Variants in TENM3 observed in about 807,000 individuals in gnomAD.
TENM3 encodes teneurin transmembrane protein 3, also known as teneurin-3.
TENM3 carries 63 observed loss-of-function variants against 255.1 expected under a neutral mutation model. The observed-to-expected ratio is 0.25, with a 90% confidence interval of 0.20 to 0.30. TENM3 has a LOEUF of 0.30. TENM3 is among the 10% of genes least tolerant of loss of function. The pLI is 1.00. For synonymous variants in TENM3, 1,306 were observed against 1,322.3 expected, an observed-to-expected ratio of 0.99 and a Z score of 0.27; for missense variants, 2,929 against 3,461.1, an observed-to-expected ratio of 0.85 and a Z score of 3.86.
intron 26 of TENM3, among the ~76,000 whole-genome samples, 175 bp downstream of exon 26, chr4:182,794,060 A>G (rs574834410): frequency 6.6e-6 from 1 of 152,378 alleles, no homozygotes; most frequent in South Asian, 2.1e-4. Flanking sequence ...CACAAAGGGA[A>G]AATGAGACAT....
intron 3 of TENM3, among the ~76,000 whole-genome samples, chr4:182,525,919 T>C (rs1256651625): frequency 6.6e-6 from 1 of 152,248 alleles, no homozygotes; most frequent in Non-Finnish European, 1.5e-5. Flanking sequence ...GATTATTTTC[T>C]GCAGTTTCCA....
intron 1 of TENM3, among the ~76,000 whole-genome samples, chr4:182,151,964 C>G (rs1433468120): frequency 6.6e-6 from 1 of 151,832 alleles, no homozygotes; most frequent in Non-Finnish European, 1.5e-5. Context: ...AAATAAGGCA[C>G]TCTTAAAAGG....
At chr4:181,881,922 G>T in the TENM3 span, among the ~76,000 whole-genome samples, 1 of 152,204 alleles carries the variant, frequency 6.6e-6, no homozygotes, top group South Asian at 2.1e-4. Flanking sequence ...TTCTCAATTA[G>T]AATTATTTTC....
the TENM3 span, among the ~76,000 whole-genome samples, chr4:181,747,847 C>T: frequency 1.6e-4 from 24 of 151,838 alleles, no homozygotes; most frequent in Admixed American, 1.4e-3. Context: ...GGTAAGAATC[C>T]GGTTTTCTTT....
At chr4:181,585,574 G>A in the TENM3 span, among the ~76,000 whole-genome samples, 19 of 152,120 alleles carry the variant, frequency 1.2e-4, no homozygotes, top group Admixed American at 1.0e-3. Flanking sequence ...ACTTGGTCTC[G>A]TGTTTTCATT....
At chr4:182,457,607 G>T (rs1580617757) in intron 3 of TENM3, among the ~76,000 whole-genome samples, 1 of 126,028 alleles carries the variant, frequency 7.9e-6, no homozygotes, top group African/African-American at 2.9e-5. Context: ...ACCTAGACTG[G>T]AGTGCATTGG....
chr4:182,553,906 C>G (rs1742327572), intron 3 of TENM3, among the ~76,000 whole-genome samples: 1 of 152,180 alleles, frequency 6.6e-6, no homozygotes, highest in Non-Finnish European at 1.5e-5. Flanking sequence ...AATCTTTTCT[C>G]TCTGCCAAAT....
chr4:181,617,475 T>G, the TENM3 span, among the ~76,000 whole-genome samples: 2 of 152,150 alleles, frequency 1.3e-5, no homozygotes, highest in Non-Finnish European at 2.9e-5. Context: ...GGGACAGAGC[T>G]GCAGGATGCT....
chr4:182,528,216 C>A (rs943544536), intron 3 of TENM3, among the ~76,000 whole-genome samples: 45 of 152,162 alleles, frequency 3.0e-4, no homozygotes, highest in African/African-American at 1.1e-3. Flanking sequence ...CTCCTGGGTT[C>A]AAGCAACTCT....
intron 3 of TENM3, among the ~76,000 whole-genome samples, chr4:182,470,277 A>T (rs1228215327): frequency 6.6e-6 from 1 of 152,218 alleles, no homozygotes; most frequent in African/African-American, 2.4e-5. Flanking sequence ...AATTTATGTA[A>T]ACCTGTATTT....
chr4:181,453,001 T>C, the TENM3 span, among the ~76,000 whole-genome samples: 1 of 152,186 alleles, frequency 6.6e-6, no homozygotes, highest in Non-Finnish European at 1.5e-5. Context: ...ACAGTGTGAT[T>C]GCCCAGCACT....
At chr4:182,001,541 G>A in the TENM3 span, among the ~76,000 whole-genome samples, 1 of 152,024 alleles carries the variant, frequency 6.6e-6, no homozygotes, top group African/African-American at 2.4e-5. Flanking sequence ...GTTTCTTTTA[G>A]AAGCTATAAT....
chr4:182,360,882 G>A (rs4472176), intron 3 of TENM3, among the ~76,000 whole-genome samples: 5,957 of 152,158 alleles, frequency 0.039, 363 homozygotes, highest in African/African-American at 0.13. Flanking sequence ...TCCATGTGTA[G>A]TGCTTCCTTC....
At chr4:182,681,376 G>A (rs1397279971) in intron 10 of TENM3, among the ~76,000 whole-genome samples, 6 of 152,102 alleles carry the variant, frequency 3.9e-5, no homozygotes, top group Admixed American at 2.0e-4. Flanking sequence ...ATTAAATCTC[G>A]TCATCTAAAG....
chr4:182,419,589 T>C (rs1218550888), intron 3 of TENM3, among the ~76,000 whole-genome samples: 1 of 152,212 alleles, frequency 6.6e-6, no homozygotes, highest in Non-Finnish European at 1.5e-5. Context: ...ATTGGAGCAC[T>C]ATTCACAATA....
chr4:182,375,074 C>T (rs1767087469), intron 3 of TENM3, among the ~76,000 whole-genome samples: 4 of 152,158 alleles, frequency 2.6e-5, no homozygotes, highest in Admixed American at 2.6e-4. Flanking sequence ...TCCTTCCAAT[C>T]TTTCAAGGCT....
the TENM3 span, among the ~76,000 whole-genome samples, chr4:181,531,346 T>C: frequency 6.6e-6 from 1 of 152,322 alleles, no homozygotes; most frequent in South Asian, 2.1e-4. Flanking sequence ...AAAATCTCTG[T>C]CTTCCTCAAT....
intron 3 of TENM3, among the ~76,000 whole-genome samples, chr4:182,484,373 A>C (rs1182992838): frequency 6.6e-6 from 1 of 152,148 alleles, no homozygotes; most frequent in African/African-American, 2.4e-5. Context: ...CATACTTCTC[A>C]TGTGTATAGA....
intron 24 of TENM3, among the ~76,000 whole-genome samples, chr4:182,787,309 G>C (rs1051627611): frequency 6.6e-6 from 1 of 152,196 alleles, no homozygotes; most frequent in Non-Finnish European, 1.5e-5. Context: ...GCCAAGGTCA[G>C]GCTGCTTCAG....
Sources: gnomAD v4.1 joint callset for allele counts (sites outside exome capture counted in the v4.1 genomes callset) on GRCh38, gnomAD v4.1.1 for gene constraint, MANE v1.5 for transcripts, NCBI Gene and HGNC (gene_info 2026-07-23, HGNC 2026-07-21) for gene names.